PARD3: variants seen among roughly 807,000 people sequenced by gnomAD.
The protein encoded by PARD3 is partitioning defective 3 homolog.
PARD3 carries 75 observed loss-of-function variants against 155.4 expected under a neutral mutation model. The observed-to-expected ratio is 0.48, with a 90% CI of 0.40 to 0.58. The LOEUF (loss-of-function observed/expected upper bound fraction) is 0.58, where lower values mean the gene tolerates loss of function less well. Ranked by LOEUF, PARD3 falls within the 20% of genes least tolerant of loss-of-function variation. PARD3 has a pLI of 0.00. For synonymous variants in PARD3, 576 were observed against 610.5 expected, an observed-to-expected ratio of 0.94 and a Z score of 0.83; for missense variants, 1,642 against 1,721.7, an observed-to-expected ratio of 0.95 and a Z score of 0.82.
intron 20 of PARD3, among the ~76,000 whole-genome samples, chr10:34,306,300 A>C (rs1957406673): frequency 6.6e-6 from 1 of 151,688 alleles, no homozygotes; most frequent in South Asian, 2.1e-4. Flanking sequence ...ATCAAAATTA[A>C]TGTTTTTTAA....
rs576217152 is a variant in PARD3 at position 34,751,692 on chromosome 10, T to A, written c.121-55273A>T. Among the ~76,000 whole-genome samples, 121 of 152,000 alleles carry A rather than the reference T, an allele frequency of 8.0e-4. 6 individuals are homozygous for A. In the South Asian group the frequency reaches 0.025, roughly 31 times the overall value. ...CATCATACCTCACTGCAGCCTCGAC[T>A]TCCCAGGCTCAAGCAATCCCCCCAC... On this transcript the variant is annotated intron_variant, in intron 1 of 24. Transcript: ENST00000374788.
intron 20 of PARD3, among the ~76,000 whole-genome samples, chr10:34,285,272 A>G (rs1956331034): frequency 6.6e-6 from 1 of 152,210 alleles, no homozygotes; most frequent in Non-Finnish European, 1.5e-5. Flanking sequence ...TCATATCGAA[A>G]AAGAGGGTCA....
chr10:34,559,729 G>A (rs925117821), intron 2 of PARD3, among the ~76,000 whole-genome samples: 2 of 151,882 alleles, frequency 1.3e-5, no homozygotes, highest in African/African-American at 2.4e-5. Flanking sequence ...AAAGAGACAC[G>A]CAATAAGTGA....
intron 2 of PARD3, among the ~76,000 whole-genome samples, chr10:34,589,315 C>CA (rs1483630496): frequency 1.3e-5 from 2 of 152,150 alleles, no homozygotes; most frequent in Non-Finnish European, 2.9e-5. Flanking sequence ...CCCAAAATGT[C>CA]ACGTTGAAGT....
chr10:34,574,965 AG>A (rs1226475914), intron 2 of PARD3, among the ~76,000 whole-genome samples: 1 of 152,134 alleles, frequency 6.6e-6, no homozygotes, highest in Non-Finnish European at 1.5e-5. Context: ...AAAGTAGAAA[AG>A]ATTACTGAAA....
chr10:34,791,317 T>TC (rs1351430083), intron 1 of PARD3, among the ~76,000 whole-genome samples: 6 of 152,060 alleles, frequency 3.9e-5, no homozygotes, highest in Non-Finnish European at 8.8e-5. Flanking sequence ...TGCGTCCCTC[T>TC]CGATGCTCCA....
chr10:34,385,764 A>G (rs1304150825), intron 7 of PARD3, among the ~76,000 whole-genome samples: 1 of 152,198 alleles, frequency 6.6e-6, no homozygotes, highest in Non-Finnish European at 1.5e-5. Context: ...TTCTTCTCTT[A>G]TATACATACC....
At chr10:34,736,089 T>C (rs2094908620) in intron 1 of PARD3, among the ~76,000 whole-genome samples, 1 of 152,114 alleles carries the variant, frequency 6.6e-6, no homozygotes. Flanking sequence ...TGGAGTGCAG[T>C]GGCGCGATCT....
intron 22 of PARD3, among the ~76,000 whole-genome samples, chr10:34,206,013 T>C (rs1350625985): frequency 6.6e-6 from 1 of 152,100 alleles, no homozygotes; most frequent in Admixed American, 6.6e-5. Context: ...CACTACTAGA[T>C]CGAGGTCTTG....
At chr10:34,680,788 A>G (rs1490124903) in intron 2 of PARD3, among the ~76,000 whole-genome samples, 1 of 137,878 alleles carries the variant, frequency 7.3e-6, no homozygotes, top group East Asian at 2.1e-4. Context: ...GAACAATGAG[A>G]TCACATGGAC....
intron 22 of PARD3, among the ~76,000 whole-genome samples, chr10:34,136,336 C>G (rs913546): frequency 0.49 from 74,278 of 152,010 alleles, 19,543 homozygotes; most frequent in Non-Finnish European, 0.6. Context: ...CTATTCAGAG[C>G]AGTATATGCT....
intron 14 of PARD3, among the ~76,000 whole-genome samples, chr10:34,352,916 C>T (rs1000176842): frequency 1.2e-4 from 18 of 151,642 alleles, no homozygotes; most frequent in Non-Finnish European, 1.8e-4. Context: ...CTCTGCCCGG[C>T]CGCCCATCGT....
At chr10:34,628,188 G>T (rs981097898) in intron 2 of PARD3, among the ~76,000 whole-genome samples, 1 of 152,200 alleles carries the variant, frequency 6.6e-6, no homozygotes, top group Non-Finnish European at 1.5e-5. Context: ...ATACTGCACA[G>T]GAGCTTAGAC....
At chr10:34,231,062 T>G (rs898864721) in intron 22 of PARD3, among the ~76,000 whole-genome samples, 2 of 151,848 alleles carry the variant, frequency 1.3e-5, no homozygotes, top group African/African-American at 4.8e-5. Context: ...CTCAGGTTAC[T>G]CCAGTTGTAT....
At chr10:34,178,622 G>C (rs1950136623) in intron 22 of PARD3, among the ~76,000 whole-genome samples, 1 of 152,130 alleles carries the variant, frequency 6.6e-6, no homozygotes, top group African/African-American at 2.4e-5. Context: ...AGAACAGACT[G>C]GTCCTGCCTC....
chr10:34,316,166 T>G (rs975622969), intron 20 of PARD3, among the ~76,000 whole-genome samples: 2 of 152,244 alleles, frequency 1.3e-5, no homozygotes, highest in African/African-American at 4.8e-5. Context: ...GGATAACTAC[T>G]TTTTGAAAAG....
chr10:34,496,204 A>T (rs891938411), intron 3 of PARD3, among the ~76,000 whole-genome samples: 7 of 151,952 alleles, frequency 4.6e-5, no homozygotes, highest in African/African-American at 1.7e-4. Flanking sequence ...ACCATGTCTC[A>T]AAAGGGAAGA....
chr10:34,424,660 G>A (rs1179954944), intron 5 of PARD3, among the ~76,000 whole-genome samples: 3 of 152,060 alleles, frequency 2.0e-5, no homozygotes, highest in East Asian at 3.9e-4. Context: ...GACTACAGGC[G>A]CGCACCACCA....
chr10:34,718,731 G>A (rs1050284018), intron 1 of PARD3, among the ~76,000 whole-genome samples: 1 of 152,234 alleles, frequency 6.6e-6, no homozygotes, highest in South Asian at 2.1e-4. Flanking sequence ...GGGAGGCCGA[G>A]GTAGGCGGAT....
Sources: allele counts gnomAD v4.1 joint callset (sites outside exome capture counted in the v4.1 genomes callset), GRCh38; gene constraint gnomAD v4.1.1; transcripts MANE v1.5; gene names NCBI Gene and HGNC (gene_info 2026-07-23, HGNC 2026-07-21).